The following FAT3 variants were observed in gnomAD, a reference collection of about 807,000 sequenced individuals.
FAT3 encodes FAT atypical cadherin 3.
A neutral mutation model predicts 310.2 loss-of-function variants in FAT3; 95 were observed. The ratio of observed to expected loss-of-function variants is 0.31; its 90% CI spans 0.26 to 0.36. FAT3 has a LOEUF of 0.36. FAT3 is among the 10% of genes least tolerant of loss of function. The pLI, the probability that FAT3 is intolerant of heterozygous loss-of-function variation, is 1.00. For missense variants in FAT3, 5,408 were observed against 5,715.6 expected, an observed-to-expected ratio of 0.95 and a Z score of 1.74; for synonymous variants, 2,314 against 2,192.9, an observed-to-expected ratio of 1.06 and a Z score of -1.54.
intron 4 of FAT3, among the ~76,000 whole-genome samples, chr11:92,754,608 A>T (rs1263928744): frequency 8.6e-6 from 1 of 116,918 alleles, no homozygotes; most frequent in African/African-American, 3.5e-5. Flanking sequence ...AGCCTGGGCG[A>T]CAGAGGAAGA....
At position 92,353,687 on chromosome 11, in the gene FAT3, A is replaced by G; in HGVS notation, c.1575A>G (p.Thr525=). 1.2e-6 allele frequency: 2 copies of G among 1,613,918 alleles called. No homozygotes were observed. Among genetic ancestry groups the G allele is most frequent in the South Asian group, 2.2e-5 (2 of 91,082 alleles). Residue 525 remains threonine (T), a synonymous_variant, in exon 2 of 28, where the codon ACA becomes ACG. Coordinates refer to ENST00000525166, the MANE Select transcript of FAT3 (RefSeq NM_001367949.2). ...TACCATTTGTCATTAATCAGTTTAC[A>G]GGTGTTATTAGCACAACTGAAGAAC... is the stretch of plus-strand genomic sequence containing the variant. ...NLLPFVINQF[T]GVISTTEELD... is the part of the protein sequence containing the mutation.
intron 4 of FAT3, among the ~76,000 whole-genome samples, chr11:92,755,489 G>T (rs1262534958): frequency 6.6e-6 from 1 of 152,100 alleles, no homozygotes; most frequent in Non-Finnish European, 1.5e-5. Context: ...CTCCCAAAGT[G>T]CTGGGATTAC....
intron 4 of FAT3, among the ~76,000 whole-genome samples, chr11:92,702,041 C>G (rs1341611541): frequency 6.6e-6 from 1 of 152,148 alleles, no homozygotes; most frequent in Non-Finnish European, 1.5e-5. Context: ...TGGTACTGTT[C>G]ACAGAGCTTA....
chr11:92,605,274 G>A (rs931725625), intron 3 of FAT3, among the ~76,000 whole-genome samples: 9 of 152,162 alleles, frequency 5.9e-5, no homozygotes, highest in Admixed American at 6.5e-5. Flanking sequence ...TTATCATTGA[G>A]GCTATAAATG....
At position 92,412,708 on chromosome 11, in the gene FAT3, TATATATATATATATATATATATATA is replaced by T. The variant is rs1368193116; in HGVS notation, c.3292+57305_3292+57329del. Among the ~76,000 whole-genome samples the T allele has an allele frequency of 8.0e-4, 9 of 11,296 alleles. 2 individuals are homozygous for T. The highest frequency in any genetic ancestry group is 1.5e-3 in the Non-Finnish European group (8 of 5,298). 7.4% of individuals were successfully genotyped at this position (11,296 alleles called of 152,430 possible). On this transcript the variant is annotated intron_variant, in intron 2 of 27. Coordinates refer to ENST00000525166, the MANE Select transcript of FAT3 (RefSeq NM_001367949.2). ...GTCCAACTATGATGGTGGTGATATA[TATATATATATATATATATATATATA>T]TATATATATATAAATATACATACAT...
chr11:92,472,071 A>G (rs1318993699), intron 2 of FAT3, among the ~76,000 whole-genome samples: 1 of 151,754 alleles, frequency 6.6e-6, no homozygotes, highest in Non-Finnish European at 1.5e-5. Context: ...TGGAATAAAC[A>G]TATCAAAAAG....
In FAT3 at chr11:92,419,599, G is replaced by A. The variant is rs138912374; in HGVS notation, c.3292+64195G>A. ...CCTCAGCTTTCTTTAATCCTTAGGT[G>A]TGTTGTAATAGCGCTTATCTTCATG... On this transcript the variant is annotated intron_variant, in intron 2 of 27. Coordinates refer to ENST00000525166, the MANE Select transcript of FAT3 (RefSeq NM_001367949.2). Among the ~76,000 whole-genome samples the A allele has an allele frequency of 2.9e-3, 438 of 152,292 alleles. 1 individual carries two copies. Among genetic ancestry groups the A allele is most frequent in the African/African-American group, 9.9e-3 (410 of 41,568 alleles).
chr11:92,226,825 C>G (rs970767918), intron 1 of FAT3, among the ~76,000 whole-genome samples: 1 of 152,142 alleles, frequency 6.6e-6, no homozygotes, highest in Non-Finnish European at 1.5e-5. Context: ...TTTGGGCGAA[C>G]CTGCAGCAGC....
rs1184215061 is a variant in FAT3, at chr11:92,412,724, TATATATATATATATATATATAA to T, written c.3292+57326_3292+57347del. Among the ~76,000 whole-genome samples, 62 of 33,378 alleles carry T rather than the reference TATATATATATATATATATATAA, an allele frequency of 1.9e-3. 3 individuals carry two copies. The highest frequency in any genetic ancestry group is 4.6e-3 in the African/African-American group (59 of 12,836). The allele number at this position is 33,378 out of a possible 152,430, so 21.9% of individuals were successfully genotyped here. ...GGTGATATATATATATATATATATA[TATATATATATATATATATATAA>T]ATATACATACATATATATATATTTA... On this transcript the variant is annotated intron_variant, in intron 2 of 27. Transcript: ENST00000525166.
intron 3 of FAT3, among the ~76,000 whole-genome samples, chr11:92,551,432 G>GTGTGTGTT (rs1954817104): frequency 6.6e-6 from 1 of 151,270 alleles, no homozygotes; most frequent in Non-Finnish European, 1.5e-5. Context: ...GTGTGTGTGT[G>GTGTGTGTT]TGTGTGTGTG....
At chr11:92,765,212 A>C in intron 6 of FAT3, 123 bp downstream of exon 6, 1 of 860,880 alleles carries the variant, frequency 1.2e-6, no homozygotes, top group Non-Finnish European at 1.7e-6. Flanking sequence ...AAAGATGTAT[A>C]GTGCTGGAAT....
At chr11:92,648,375 G>A (rs1165281808) in intron 3 of FAT3, among the ~76,000 whole-genome samples, 2 of 152,156 alleles carry the variant, frequency 1.3e-5, no homozygotes, top group Non-Finnish European at 2.9e-5. Flanking sequence ...ACCTTTGGGG[G>A]TGTGCTGTGC....
chr11:92,513,215 C>T (rs1488540868), intron 2 of FAT3, among the ~76,000 whole-genome samples: 1 of 152,068 alleles, frequency 6.6e-6, no homozygotes, highest in East Asian at 1.9e-4. Context: ...CCATATATTT[C>T]AGACTGACAG....
intron 3 of FAT3, among the ~76,000 whole-genome samples, chr11:92,579,813 A>G (rs1234894863): frequency 6.6e-6 from 1 of 152,150 alleles, no homozygotes; most frequent in Non-Finnish European, 1.5e-5. Flanking sequence ...GCCACACTGT[A>G]GCACCTTATG....
intron 3 of FAT3, among the ~76,000 whole-genome samples, chr11:92,665,243 C>G (rs143897750): frequency 6.6e-6 from 1 of 152,186 alleles, no homozygotes; most frequent in East Asian, 1.9e-4. Context: ...CCCGAGTTAT[C>G]TGACCTCAGT....
chr11:92,671,055 T>A (rs557351221), intron 3 of FAT3, among the ~76,000 whole-genome samples: 1 of 152,164 alleles, frequency 6.6e-6, no homozygotes, highest in African/African-American at 2.4e-5. Flanking sequence ...GTTTTTTGTT[T>A]TTTTTTTAAG....
chr11:92,606,887 T>C (rs1356426104), intron 3 of FAT3, among the ~76,000 whole-genome samples: 1 of 152,164 alleles, frequency 6.6e-6, no homozygotes, highest in East Asian at 1.9e-4. Context: ...TCTGACCCAC[T>C]ATGGGTCCCC....
At chr11:92,817,542 A>G (rs549320567) in intron 13 of FAT3, among the ~76,000 whole-genome samples, 3 of 152,208 alleles carry the variant, frequency 2.0e-5, no homozygotes, top group Non-Finnish European at 2.9e-5. Flanking sequence ...CTTGCTGTCT[A>G]TGTTGGGAAT....
intron 2 of FAT3, among the ~76,000 whole-genome samples, chr11:92,503,874 G>GTAAAGGGAT (rs1341566396): frequency 6.6e-6 from 1 of 152,122 alleles, no homozygotes; most frequent in Non-Finnish European, 1.5e-5. Flanking sequence ...TCTCACATAT[G>GTAAAGGGAT]TAAAGGGATT....
Sources: gnomAD v4.1 joint callset for allele counts (sites outside exome capture counted in the v4.1 genomes callset) on GRCh38, gnomAD v4.1.1 for gene constraint, MANE v1.5 for transcripts, NCBI Gene and HGNC (gene_info 2026-07-23, HGNC 2026-07-21) for gene names.